EXOC6: variants seen among roughly 807,000 people sequenced by gnomAD.
The protein encoded by EXOC6 is exocyst complex component 6.
Under a neutral mutation model 112.5 loss-of-function variants are expected in EXOC6, and 60 were observed. That is an observed-to-expected ratio of 0.53 (90% CI 0.43 to 0.66). The LOEUF (loss-of-function observed/expected upper bound fraction) is 0.66, where lower values mean the gene tolerates loss of function less well. EXOC6 is among the 30% of genes least tolerant of loss of function. The pLI, the probability that EXOC6 is intolerant of heterozygous loss-of-function variation, is 0.00. For synonymous variants in EXOC6, 295 were observed against 308.0 expected (o/e 0.96, Z 0.44); for missense variants, 855 against 957.1 (o/e 0.89, Z 1.41).
intron 17 of EXOC6, among the ~76,000 whole-genome samples, chr10:92,973,000 C>G (rs568296764): frequency 6.6e-6 from 1 of 152,280 alleles, no homozygotes; most frequent in South Asian, 2.1e-4. Context: ...TTTGGTTGAC[C>G]TATCGTTTGT....
At chr10:92,965,362 T>C (rs940357589) in intron 17 of EXOC6, among the ~76,000 whole-genome samples, 3 of 152,170 alleles carry the variant, frequency 2.0e-5, no homozygotes, top group Non-Finnish European at 4.4e-5. Flanking sequence ...ACATTGAAAT[T>C]TTTTTTAAAA....
Position 92,909,468 on chromosome 10 carries a change from T to C in EXOC6, c.500T>C (p.Val167Ala). The change falls in exon 6 of 22, where the codon GTG becomes GCG. Residue 167 changes from valine to alanine, a missense_variant. Transcript: ENST00000260762. ...ALKTMEQLENVYFPWVSQYRF... is the reference protein window; with the variant it reads ...ALKTMEQLENAYFPWVSQYRF... The stretch of plus-strand genomic sequence containing the variant: ...AAAACTATGGAACAATTAGAGAATG[T>C]GTACTTTCCCTGGGTTAGTCAATAC... 6.2e-7 allele frequency: 1 copy of C among 1,613,576 alleles called. No individual in the cohort carries two copies. Among genetic ancestry groups the C allele is most frequent in the South Asian group, 1.1e-5 (1 of 91,028 alleles).
chr10:92,904,876 A>G (rs186571066), intron 5 of EXOC6, among the ~76,000 whole-genome samples: 1 of 152,176 alleles, frequency 6.6e-6, no homozygotes, highest in Admixed American at 6.5e-5. Flanking sequence ...GCCAAACCCA[A>G]GGTCATCTAA....
At chr10:93,053,157 C>T (rs1846380572) in intron 20 of EXOC6, among the ~76,000 whole-genome samples, 1 of 152,154 alleles carries the variant, frequency 6.6e-6, no homozygotes, top group Non-Finnish European at 1.5e-5. Context: ...TACCTGGCAA[C>T]ACCCCAGTTT....
intron 4 of EXOC6, among the ~76,000 whole-genome samples, chr10:92,897,922 A>G (rs971820920): frequency 6.6e-6 from 1 of 152,144 alleles, no homozygotes; most frequent in East Asian, 1.9e-4. Context: ...TGTACGCCTG[A>G]CGACTTGGGC....
At chr10:92,947,555 T>C (rs1313667553) in intron 13 of EXOC6, among the ~76,000 whole-genome samples, 5 of 152,236 alleles carry the variant, frequency 3.3e-5, no homozygotes, top group Admixed American at 3.3e-4. Context: ...CAAGAGTTTA[T>C]AATCTCATTG....
At chr10:92,965,359 A>C (rs1191792887) in intron 17 of EXOC6, among the ~76,000 whole-genome samples, 1 of 152,124 alleles carries the variant, frequency 6.6e-6, no homozygotes, top group Non-Finnish European at 1.5e-5. Flanking sequence ...TACACATTGA[A>C]ATTTTTTTTA....
At chr10:93,053,054 A>C (rs1204822484) in intron 20 of EXOC6, among the ~76,000 whole-genome samples, 1 of 152,124 alleles carries the variant, frequency 6.6e-6, no homozygotes, top group African/African-American at 2.4e-5. Flanking sequence ...AATATTAAGA[A>C]CATAGTGCAT....
intron 1 of EXOC6, among the ~76,000 whole-genome samples, chr10:92,879,924 AT>A (rs528260723): frequency 0.011 from 1,722 of 152,120 alleles, 19 homozygotes; most frequent in Non-Finnish European, 0.017. Flanking sequence ...CTGTTCTGCT[AT>A]TTTTTTTAAA....
At chr10:92,974,289 G>T in intron 18 of EXOC6, 57 bp downstream of exon 18, 2 of 1,254,142 alleles carry the variant, frequency 1.6e-6, no homozygotes, top group Non-Finnish European at 2.1e-6. Flanking sequence ...GTATATTTTA[G>T]AATTTAGTTT....
chr10:93,006,474 A>G (rs1342748258), intron 19 of EXOC6, among the ~76,000 whole-genome samples: 1 of 152,206 alleles, frequency 6.6e-6, no homozygotes, highest in African/African-American at 2.4e-5. Context: ...AGAAAACTAG[A>G]TACTACTTTA....
chr10:92,947,775 C>T (rs1332120222), intron 13 of EXOC6, among the ~76,000 whole-genome samples: 2 of 152,082 alleles, frequency 1.3e-5, no homozygotes, highest in South Asian at 2.1e-4. Flanking sequence ...CGTGGTGGCA[C>T]GCGCCTGTAG....
At chr10:92,965,903 T>G (rs1229088079) in intron 17 of EXOC6, among the ~76,000 whole-genome samples, 1 of 152,168 alleles carries the variant, frequency 6.6e-6, no homozygotes, top group Non-Finnish European at 1.5e-5. Flanking sequence ...TTAATCATAT[T>G]CCTGCTCGGG....
chr10:93,001,951 C>G (rs928163398), intron 19 of EXOC6, among the ~76,000 whole-genome samples: 4 of 152,264 alleles, frequency 2.6e-5, no homozygotes, highest in Admixed American at 2.0e-4. Flanking sequence ...ATATCTGATG[C>G]CCCAGATTAA....
At chr10:92,829,902 C>T (rs968694926), upstream of EXOC6, among the ~76,000 whole-genome samples, 4 of 152,142 alleles carry the variant, frequency 2.6e-5, no homozygotes, top group African/African-American at 4.8e-5. Context: ...CTCCCACCAG[C>T]ACCATGACAA....
chr10:93,045,670 G>A (rs1845974556), intron 20 of EXOC6, among the ~76,000 whole-genome samples: 1 of 152,208 alleles, frequency 6.6e-6, no homozygotes, highest in Non-Finnish European at 1.5e-5. Flanking sequence ...AGAACTGAAA[G>A]TCTATTGAAC....
intron 1 of EXOC6, among the ~76,000 whole-genome samples, chr10:92,869,900 C>T (rs998674189): frequency 6.7e-6 from 1 of 150,082 alleles, no homozygotes; most frequent in Admixed American, 6.6e-5. Context: ...CTGACTTTAG[C>T]AGGGGAAACC....
chr10:93,046,922 G>C (rs1590106254), intron 20 of EXOC6, among the ~76,000 whole-genome samples: 1 of 152,190 alleles, frequency 6.6e-6, no homozygotes, highest in East Asian at 1.9e-4. Context: ...AGAGAACTAA[G>C]AGTAGTTCCT....
chr10:92,834,489 G>A (rs1846598063), upstream of EXOC6, among the ~76,000 whole-genome samples: 1 of 152,170 alleles, frequency 6.6e-6, no homozygotes, highest in Admixed American at 6.6e-5. Context: ...TTTCCGAACT[G>A]TGTCAAGGTT....
Sources: gnomAD v4.1 joint callset for allele counts (sites outside exome capture counted in the v4.1 genomes callset) on GRCh38, gnomAD v4.1.1 for gene constraint, MANE v1.5 for transcripts, NCBI Gene and HGNC (gene_info 2026-07-23, HGNC 2026-07-21) for gene names.